EML1: variants seen among roughly 807,000 people sequenced by gnomAD.
EML1 encodes the protein EMAP like 1, also known as echinoderm microtubule-associated protein-like 1.
Under a neutral mutation model 110.4 loss-of-function variants are expected in EML1, and 27 were observed. The observed-to-expected ratio is 0.24, with a 90% confidence interval of 0.18 to 0.34. The LOEUF is 0.34. EML1 is among the 10% of genes least tolerant of loss of function. The pLI is 1.00. For synonymous variants in EML1, 344 were observed against 385.8 expected, an observed-to-expected ratio of 0.89 and a Z score of 1.27; for missense variants, 741 against 1,030.9, an observed-to-expected ratio of 0.72 and a Z score of 3.85.
At chr14:99,754,602 C>T (rs1444908754) in intron 1 of EML1, among the ~76,000 whole-genome samples, 2 of 152,208 alleles carry the variant, frequency 1.3e-5, no homozygotes, top group African/African-American at 4.8e-5. Flanking sequence ...GAGGCGTGGG[C>T]AGGCAGGGTT....
chr14:99,902,580 G>A (rs941950739), intron 9 of EML1, among the ~76,000 whole-genome samples: 2 of 152,184 alleles, frequency 1.3e-5, no homozygotes, highest in African/African-American at 4.8e-5. Context: ...ATAAGCCTTA[G>A]TCTTGTATAC....
intron 1 of EML1, among the ~76,000 whole-genome samples, chr14:99,757,816 A>G (rs1363555160): frequency 6.6e-6 from 1 of 152,248 alleles, no homozygotes; most frequent in Admixed American, 6.5e-5. Flanking sequence ...GTGAGCTTTA[A>G]AAAACAGGTT....
At chr14:99,898,123 A>T in intron 7 of EML1, 110 bp from the exon 8 acceptor site, 1 of 796,974 alleles carries the variant, frequency 1.3e-6, no homozygotes, top group Non-Finnish European at 1.8e-6. Context: ...GTAAGAAGTT[A>T]GGCATTATAT....
chr14:99,853,314 C>G (rs1248220840), intron 2 of EML1, among the ~76,000 whole-genome samples: 4 of 152,080 alleles, frequency 2.6e-5, no homozygotes, highest in Non-Finnish European at 4.4e-5. Context: ...ACCTTGGGCT[C>G]TCTACTTTCT....
At chr14:99,761,910 G>T (rs1238563497) in intron 1 of EML1, among the ~76,000 whole-genome samples, 1 of 119,926 alleles carries the variant, frequency 8.3e-6, no homozygotes, top group East Asian at 2.4e-4. Context: ...GGGTGACAGA[G>T]TGAGACTCTG....
At chr14:99,934,550 G>A (rs927718072) in intron 17 of EML1, among the ~76,000 whole-genome samples, 9 of 152,220 alleles carry the variant, frequency 5.9e-5, no homozygotes, top group Non-Finnish European at 8.8e-5. Context: ...GATGCTTTAC[G>A]CGCCTGTGAG....
chr14:99,903,170 A>G (rs1367655166), intron 9 of EML1, among the ~76,000 whole-genome samples: 1 of 152,228 alleles, frequency 6.6e-6, no homozygotes, highest in Non-Finnish European at 1.5e-5. Flanking sequence ...GCTCAAAAGA[A>G]AAGTTTTCTT....
chr14:99,746,407 G>A (rs1187116721), intron 1 of EML1, among the ~76,000 whole-genome samples: 1 of 152,218 alleles, frequency 6.6e-6, no homozygotes, highest in Non-Finnish European at 1.5e-5. Context: ...ACCTATGTTT[G>A]GAGCCTGGAT....
upstream of EML1, chr14:99,793,242 G>C (rs950199732): frequency 1.3e-6 from 1 of 748,786 alleles, no homozygotes; most frequent in South Asian, 6.0e-5. Context: ...TCCCCCTCCC[G>C]GCCCGGGCCC....
At chr14:99,766,869 C>T (rs1045912599) in intron 1 of EML1, among the ~76,000 whole-genome samples, 2 of 152,096 alleles carry the variant, frequency 1.3e-5, no homozygotes, top group Admixed American at 6.6e-5. Context: ...GAGAGAGGGT[C>T]GGCCGCTAAT....
At chr14:99,842,385 A>G (rs766130993) in intron 1 of EML1, among the ~76,000 whole-genome samples, 2 of 152,256 alleles carry the variant, frequency 1.3e-5, no homozygotes, top group Non-Finnish European at 2.9e-5. Flanking sequence ...TAAGAACCTC[A>G]GACAGCTCAT....
chr14:99,904,367 A>C (rs1207918858), intron 9 of EML1, among the ~76,000 whole-genome samples: 1 of 151,398 alleles, frequency 6.6e-6, no homozygotes, highest in East Asian at 1.9e-4. Context: ...TTAACCTTTT[A>C]ATCTAGGCAA....
intron 1 of EML1, among the ~76,000 whole-genome samples, chr14:99,761,287 T>TC (rs2057311321): frequency 6.6e-6 from 1 of 152,114 alleles, no homozygotes; most frequent in Admixed American, 6.5e-5. Context: ...TTCAGCTTCA[T>TC]CCCCCTCTGG....
chr14:99,913,626 A>G (rs2059982637), intron 13 of EML1, among the ~76,000 whole-genome samples: 1 of 152,194 alleles, frequency 6.6e-6, no homozygotes, highest in Non-Finnish European at 1.5e-5. Context: ...CTTCTAAGAT[A>G]TATAAAATGT....
At chr14:99,928,228 T>G (rs1595497732) in intron 17 of EML1, among the ~76,000 whole-genome samples, 1 of 94,952 alleles carries the variant, frequency 1.1e-5, no homozygotes. Context: ...GTGGTGGTGG[T>G]GGTGGTGGTG....
chr14:99,858,161 A>G (rs1400894602), intron 2 of EML1, among the ~76,000 whole-genome samples: 2 of 149,186 alleles, frequency 1.3e-5, no homozygotes, highest in Non-Finnish European at 3.0e-5. Context: ...ATTCCTTTGC[A>G]GTGTCTAGAG....
intron 1 of EML1, among the ~76,000 whole-genome samples, chr14:99,766,668 T>C (rs1015880161): frequency 6.6e-6 from 1 of 152,220 alleles, no homozygotes; most frequent in African/African-American, 2.4e-5. Flanking sequence ...GTTTGAACTC[T>C]TCACCATTGA....
chr14:99,918,220 C>T (rs911720403), intron 16 of EML1, among the ~76,000 whole-genome samples: 7 of 152,234 alleles, frequency 4.6e-5, no homozygotes, highest in African/African-American at 1.7e-4. Context: ...ACCTCAGCCT[C>T]CCAAGTAGCT....
At position 99,787,134 on chromosome 14, in the gene EML1, T is replaced by C. The variant is rs78706904; in HGVS notation, c.-27+13121T>C. 2.1e-4 allele frequency among the ~76,000 whole-genome samples: 32 copies of C among 152,290 alleles called. No homozygotes were observed. In the East Asian group the frequency reaches 5.8e-3, roughly 28 times the overall value. On this transcript the variant is annotated intron_variant, in intron 1 of 22. Transcript: ENST00000327921. ...GGCCGCAGAGTTGAATGTTCCCTTATGGTTGTTAGACTCAGTGATTACCTC... is the reference window on the plus strand; with the variant it reads ...GGCCGCAGAGTTGAATGTTCCCTTACGGTTGTTAGACTCAGTGATTACCTC...
Sources: allele counts gnomAD v4.1 joint callset (sites outside exome capture counted in the v4.1 genomes callset), GRCh38; gene constraint gnomAD v4.1.1; transcripts MANE v1.5; gene names NCBI Gene and HGNC (gene_info 2026-07-23, HGNC 2026-07-21).